Variants in UACA observed in about 807,000 individuals in gnomAD.
The protein encoded by UACA is nuclear membrane binding protein.
Under a neutral mutation model 160.5 loss-of-function variants are expected in UACA, and 112 were observed. The ratio of observed to expected loss-of-function variants is 0.70; its 90% confidence interval spans 0.60 to 0.82. The LOEUF is 0.82. Ranked by LOEUF, UACA falls within the 40% of genes least tolerant of loss-of-function variation. UACA has a pLI of 0.00. For missense variants in UACA, 1,574 were observed against 1,614.6 expected (o/e 0.97, Z 0.43); for synonymous variants, 557 against 568.4 (o/e 0.98, Z 0.29).
At chr15:70,748,052 G>A (rs1899764551) in intron 1 of UACA, among the ~76,000 whole-genome samples, 1 of 152,010 alleles carries the variant, frequency 6.6e-6, no homozygotes, top group Non-Finnish European at 1.5e-5. Flanking sequence ...CCTAGTGCCT[G>A]GCATAGTACT....
intron 1 of UACA, among the ~76,000 whole-genome samples, chr15:70,741,206 C>G (rs1899524874): frequency 6.6e-6 from 1 of 152,186 alleles, no homozygotes; most frequent in East Asian, 1.9e-4. Context: ...TCCAGTCCAG[C>G]AGGAACTGCA....
In UACA at chr15:70,684,260, G is replaced by A. The variant is rs1897623187; in HGVS notation, c.784+5C>T. The A allele has an allele frequency of 3.1e-6, 5 of 1,597,010 alleles. No homozygotes were observed. Among genetic ancestry groups the A allele is most frequent in the African/African-American group, 1.4e-5 (1 of 74,036 alleles). On this transcript the variant is annotated splice_donor_5th_base_variant and intron_variant, in intron 8 of 18. Coordinates refer to ENST00000322954, the MANE Select transcript of UACA (RefSeq NM_018003.4). Reference sequence around the variant, plus strand: ...ACTTTTCTAGTTACAGAAAACTGCTGATACCTTTGTTGGTATTTTCCGATG... The same window carrying A: ...ACTTTTCTAGTTACAGAAAACTGCTAATACCTTTGTTGGTATTTTCCGATG...
intron 1 of UACA, among the ~76,000 whole-genome samples, chr15:70,725,499 T>C (rs1392247180): frequency 6.6e-6 from 1 of 152,192 alleles, no homozygotes; most frequent in Non-Finnish European, 1.5e-5. Flanking sequence ...TTGCCATCAA[T>C]GGTTGTGAAA....
Position 70,701,874 on chromosome 15 carries a change from T to C in UACA, c.79-2214A>G, listed in dbSNP as rs761135090. The C allele has an allele frequency of 1.9e-6, 3 of 1,611,810 alleles. No individual in the cohort carries two copies. The East Asian group carries it at 6.7e-5, about 36-fold the overall frequency. On this transcript the variant is annotated intron_variant, in intron 1 of 18. Transcript: ENST00000322954. Reference sequence around the variant, plus strand: ...TGTTACACTAGACTACTGGGATACCTACTCTGTTCTTAGGAGTACAAGAAA... The same window carrying C: ...TGTTACACTAGACTACTGGGATACCCACTCTGTTCTTAGGAGTACAAGAAA...
intron 17 of UACA, among the ~76,000 whole-genome samples, 162 bp downstream of exon 17, chr15:70,664,497 GTAT>G (rs1896832491): frequency 6.6e-6 from 1 of 152,172 alleles, no homozygotes; most frequent in Non-Finnish European, 1.5e-5. Context: ...CATCAAATAA[GTAT>G]TATTACACCA....
rs1158509134 is a variant in UACA, at chr15:70,678,210, A to G, written c.892-4T>C. On this transcript the variant is annotated splice_region_variant and splice_polypyrimidine_tract_variant and intron_variant, in intron 10 of 18. Transcript: ENST00000322954. ...CTTCATTTTCAATCTCCAAATCCTTAAATAATAAAGACAACAAGGTGCCAG... is the reference window on the plus strand; with the variant it reads ...CTTCATTTTCAATCTCCAAATCCTTGAATAATAAAGACAACAAGGTGCCAG... 1.3e-6 allele frequency: 2 copies of G among 1,597,808 alleles called. No homozygotes were observed. Among genetic ancestry groups the G allele is most frequent in the Non-Finnish European group, 1.7e-6 (2 of 1,174,092 alleles).
intron 1 of UACA, among the ~76,000 whole-genome samples, chr15:70,762,519 G>T (rs2030828080): frequency 6.6e-6 from 1 of 152,286 alleles, no homozygotes; most frequent in Non-Finnish European, 1.5e-5. Context: ...CGGTCAGGCT[G>T]TTTCTCAAGA....
intron 13 of UACA, among the ~76,000 whole-genome samples, chr15:70,672,925 T>C (rs1897185923): frequency 6.6e-6 from 1 of 151,998 alleles, no homozygotes; most frequent in Non-Finnish European, 1.5e-5. Flanking sequence ...TGAAACCCCG[T>C]CTCTACTAAA....
At chr15:70,762,871 G>A (rs964041972) in intron 1 of UACA, among the ~76,000 whole-genome samples, 18 of 152,262 alleles carry the variant, frequency 1.2e-4, no homozygotes, top group South Asian at 2.1e-4. Flanking sequence ...GTGGCGCGGG[G>A]TGCGCAGCCC....
In UACA at chr15:70,666,945, A is replaced by G. The variant is rs747723416; in HGVS notation, c.3739T>C (p.Leu1247=). 1.9e-6 allele frequency: 3 copies of G among 1,611,418 alleles called. No homozygotes were observed. Among genetic ancestry groups the G allele is most frequent in the East Asian group, 4.5e-5 (2 of 44,838 alleles). ...TCATACTTTCTATTCAGATTGGCCA[A>G]TTTTTCATTTAAGCTAGAAATCTGT... The part of the protein sequence containing the change: ...ETQISSLNEK[L]ANLNRKYEEV... The change falls in exon 16 of 19, where the codon TTG becomes CTG. Residue 1247 remains leucine, a synonymous_variant. Coordinates refer to ENST00000322954, the MANE Select transcript of UACA (RefSeq NM_018003.4).
chr15:70,776,425 C>CTTTTTTTTTT, the UACA span, among the ~76,000 whole-genome samples: 1 of 125,330 alleles, frequency 8.0e-6, no homozygotes, highest in African/African-American at 3.1e-5. Context: ...CCTCAAATGT[C>CTTTTTTTTTT]TTTTTTTTTT....
chr15:70,699,580 G>A lies in UACA; in HGVS notation c.159C>T (p.Ile53=), dbSNP rs549224209. 6.2e-7 allele frequency: 1 copy of A among 1,609,532 alleles called. No homozygotes were observed. Among genetic ancestry groups the A allele is most frequent in the African/African-American group, 1.4e-5 (1 of 73,526 alleles). Residue 53 remains isoleucine, a synonymous_variant, in exon 2 of 19, where the codon ATC becomes ATT. Transcript: ENST00000322954. ...ERGDVEKVTS[I]LAKKGVNPGK... ...CTGGATTGACCCCCTTTTTAGCAAGGATTGAGGTCACTTTTTCTACATCCC... is the reference window on the plus strand; with the variant it reads ...CTGGATTGACCCCCTTTTTAGCAAGAATTGAGGTCACTTTTTCTACATCCC...
At chr15:70,701,376 TGTG>T (rs1440792467) in intron 1 of UACA, among the ~76,000 whole-genome samples, 1 of 152,166 alleles carries the variant, frequency 6.6e-6, no homozygotes, top group Non-Finnish European at 1.5e-5. Flanking sequence ...TACAAGACAT[TGTG>T]TTTTCAAATG....
chr15:70,748,547 T>C (rs1255182493), intron 1 of UACA, among the ~76,000 whole-genome samples: 1 of 152,104 alleles, frequency 6.6e-6, no homozygotes, highest in East Asian at 1.9e-4. Context: ...ACAGGACAAA[T>C]TTATAGAGTG....
intron 5 of UACA, 68 bp from the exon 6 acceptor site, chr15:70,687,888 G>A: frequency 6.9e-7 from 1 of 1,452,406 alleles, no homozygotes; most frequent in Non-Finnish European, 9.6e-7. Context: ...GTTTTTCTAG[G>A]TCCATATAAG....
the UACA span, among the ~76,000 whole-genome samples, chr15:70,770,467 AT>A: frequency 1.3e-5 from 2 of 152,244 alleles, no homozygotes; most frequent in Non-Finnish European, 2.9e-5. Context: ...ATATCAAAAA[AT>A]ATTTGATAAT....
In UACA at chr15:70,760,378, A is replaced by T. The variant is rs528778225; in HGVS notation, c.78+2952T>A. 5.3e-5 allele frequency among the ~76,000 whole-genome samples: 8 copies of T among 152,374 alleles called. No individual in the cohort carries two copies. The South Asian group carries it at 1.7e-3, about 32-fold the overall frequency. ...ATAAAAATAACCACCTTCTCTGCAC[A>T]GCAAATGCCACCATAAAAATGTCTT... On this transcript the variant is annotated intron_variant, in intron 1 of 18. Coordinates refer to ENST00000322954, the MANE Select transcript of UACA (RefSeq NM_018003.4).
At position 70,739,467 on chromosome 15, in the gene UACA, AAAGGGATGAATT is replaced by A. The variant is rs529089450; in HGVS notation, c.78+23851_78+23862del. On this transcript the variant is annotated intron_variant, in intron 1 of 18. Coordinates refer to ENST00000322954, the MANE Select transcript of UACA (RefSeq NM_018003.4). The stretch of plus-strand genomic sequence containing the variant: ...GAACCACTGTTATAAAGGGATGAAT[AAAGGGATGAATT>A]AAGGGAAAGACAACTCGGTCTTACA... Among the ~76,000 whole-genome samples, 563 of 152,330 alleles carry A rather than the reference AAAGGGATGAATT, an allele frequency of 3.7e-3. 1 individual carries two copies. Among genetic ancestry groups the A allele is most frequent in the African/African-American group, 0.013 (531 of 41,574 alleles).
In UACA at chr15:70,691,303, A is replaced by T; in HGVS notation, c.362T>A (p.Leu121Gln). The change falls in exon 4 of 19, where the codon CTA (leucine) becomes CAA (glutamine). Residue 121 changes from leucine to glutamine, a missense_variant. Leu to Gln is a moderately radical substitution (Grantham distance 113). Transcript: ENST00000322954. ...YGHALCLQKL[L>Q]QYNCPTEHAD... is the part of the protein sequence containing the mutation. Reference sequence around the variant, plus strand: ...AGTATTAACCACTTCCACTACCTGTAGAAGTTTTTGTAGGCACAATGCATG... The same window carrying T: ...AGTATTAACCACTTCCACTACCTGTTGAAGTTTTTGTAGGCACAATGCATG... 2 of 1,598,112 alleles carry T rather than the reference A, an allele frequency of 1.3e-6. No individual in the cohort carries two copies. The highest frequency in any genetic ancestry group is 1.7e-6 in the Non-Finnish European group (2 of 1,169,404).
Sources: gnomAD v4.1 joint callset for allele counts (sites outside exome capture counted in the v4.1 genomes callset) on GRCh38, gnomAD v4.1.1 for gene constraint, MANE v1.5 for transcripts, NCBI Gene and HGNC (gene_info 2026-07-23, HGNC 2026-07-21) for gene names.